The following ADAMTS3 variants were observed in gnomAD, a reference collection of about 807,000 sequenced individuals.
ADAMTS3 encodes A disintegrin and metalloproteinase with thrombospondin motifs 3.
In ADAMTS3, 73 loss-of-function variants were observed where a neutral mutation model predicts 129.0. That is an observed-to-expected ratio of 0.57 (90% CI 0.47 to 0.69). The LOEUF is 0.69. Among genes scored for constraint, ADAMTS3 ranks in the 30% least tolerant of loss-of-function variants. The pLI is 0.00. For synonymous variants in ADAMTS3, 477 were observed against 510.8 expected (o/e 0.93, Z 0.89); for missense variants, 1,457 against 1,514.5 (o/e 0.96, Z 0.63).
At chr4:72,365,219 T>C (rs1289607544) in intron 4 of ADAMTS3, among the ~76,000 whole-genome samples, 1 of 152,216 alleles carries the variant, frequency 6.6e-6, no homozygotes, top group Non-Finnish European at 1.5e-5. Context: ...TATGTGGCCA[T>C]GAAGGAGAAC....
intron 10 of ADAMTS3, among the ~76,000 whole-genome samples, chr4:72,318,151 A>G (rs190684216): frequency 2.6e-5 from 4 of 152,250 alleles, no homozygotes; most frequent in Admixed American, 6.5e-5. Flanking sequence ...TCACACATAC[A>G]TGGAATCCTG....
At chr4:72,562,677 T>C (rs1173566843) in intron 2 of ADAMTS3, among the ~76,000 whole-genome samples, 2 of 152,064 alleles carry the variant, frequency 1.3e-5, no homozygotes, top group Admixed American at 6.6e-5. Flanking sequence ...TTTTCAAAAA[T>C]CTTAAGAATC....
rs553279744 is a variant in ADAMTS3, at chr4:72,534,064, A to C, written c.504+14414T>G. ...AGTCCCCGGCTGGGTGCAGGGGCTC[A>C]CGCCTGTAATCCCAGCAGTTTGGGA... On this transcript the variant is annotated intron_variant, in intron 3 of 21. Transcript: ENST00000286657. Among the ~76,000 whole-genome samples the C allele has an allele frequency of 9.2e-5, 14 of 152,308 alleles. No homozygotes were observed. In the South Asian group the frequency reaches 2.9e-3, roughly 32 times the overall value.
rs1720939922 is a variant in ADAMTS3, at chr4:72,529,983, A to AATATATTATATTTATATATAATATATT, written c.504+18494_504+18495insAATATATTATATATAAATATAATATAT. On this transcript the variant is annotated intron_variant, in intron 3 of 21. Transcript: ENST00000286657. Reference sequence around the variant, plus strand: ...ATATATTATATTTATATATAAATATAATATATTATATTTATATATAATATA... The same window carrying AATATATTATATTTATATATAATATATT: ...ATATATTATATTTATATATAAATATAATATATTATATTTATATATAATATATTATATATTATATTTATATATAATATA... Among the ~76,000 whole-genome samples the AATATATTATATTTATATATAATATATT allele has an allele frequency of 3.3e-4, 11 of 33,316 alleles. 4 individuals are homozygous for AATATATTATATTTATATATAATATATT. Among genetic ancestry groups the AATATATTATATTTATATATAATATATT allele is most frequent in the African/African-American group, 1.3e-3 (11 of 8,662 alleles). The allele number at this position is 33,316 out of a possible 152,430, so 21.9% of individuals were successfully genotyped here.
chr4:72,493,121 C>T (rs1378935365), intron 3 of ADAMTS3, among the ~76,000 whole-genome samples: 2 of 151,870 alleles, frequency 1.3e-5, no homozygotes, highest in Admixed American at 1.3e-4. Context: ...CTAAAGTGAA[C>T]CTCTTATAGA....
intron 5 of ADAMTS3, among the ~76,000 whole-genome samples, chr4:72,335,307 A>T (rs534411931): frequency 6.6e-6 from 1 of 152,244 alleles, no homozygotes; most frequent in South Asian, 2.1e-4. Flanking sequence ...GCATGGCAAC[A>T]CCTACAGAAT....
chr4:72,300,586 A>T (rs1169727400), intron 17 of ADAMTS3, among the ~76,000 whole-genome samples: 2 of 152,212 alleles, frequency 1.3e-5, no homozygotes, highest in Non-Finnish European at 2.9e-5. Context: ...TTTTGACACA[A>T]TTGAAAGGCA....
At chr4:72,468,523 A>G (rs1246696388) in intron 3 of ADAMTS3, among the ~76,000 whole-genome samples, 1 of 152,094 alleles carries the variant, frequency 6.6e-6, no homozygotes, top group East Asian at 1.9e-4. Flanking sequence ...AACTTGATGT[A>G]TCAGTTATAT....
chr4:72,528,017 C>T (rs1301348497), intron 3 of ADAMTS3, among the ~76,000 whole-genome samples: 3 of 152,178 alleles, frequency 2.0e-5, no homozygotes, highest in Non-Finnish European at 4.4e-5. Context: ...TCACCACTCT[C>T]ATGGAATTTC....
At position 72,290,881 on chromosome 4, in the gene ADAMTS3, G is replaced by T; in HGVS notation, c.2905C>A (p.Gln969Lys). The change falls in exon 20 of 22, where the codon CAG becomes AAG. Residue 969 changes from glutamine (Q) to lysine (K), a missense_variant. Physicochemically the swap from Gln to Lys is moderately conservative, Grantham distance 53. Transcript: ENST00000286657. ...TCACTCCAGGGTCCTGTTTTCCACT[G>T]TGCAGGGCAGGGCACTCTGTTACAG... The part of the protein sequence containing the change: ...RPCNRVPCPA[Q>K]WKTGPWSECS... 1 of 1,613,978 alleles carries T rather than the reference G, an allele frequency of 6.2e-7. No homozygotes were observed. Among genetic ancestry groups the T allele is most frequent in the Non-Finnish European group, 8.5e-7 (1 of 1,179,936 alleles).
intron 18 of ADAMTS3, among the ~76,000 whole-genome samples, chr4:72,297,566 T>G (rs906502913): frequency 2.6e-5 from 4 of 152,116 alleles, no homozygotes. Context: ...AGCACTTGTT[T>G]AGAACTAGAG....
At chr4:72,415,423 C>T (rs898675012) in intron 3 of ADAMTS3, among the ~76,000 whole-genome samples, 3 of 151,854 alleles carry the variant, frequency 2.0e-5, no homozygotes, top group African/African-American at 7.3e-5. Context: ...TCCCACCAAA[C>T]AAAGTGGCAT....
chr4:72,377,278 C>T (rs1375413434), intron 4 of ADAMTS3, among the ~76,000 whole-genome samples: 2 of 152,136 alleles, frequency 1.3e-5, no homozygotes, highest in African/African-American at 4.8e-5. Flanking sequence ...TCCTCACAAA[C>T]ATCTACCCAA....
chr4:72,309,286 G>T, intron 15 of ADAMTS3, 111 bp downstream of exon 15: 1 of 1,082,232 alleles, frequency 9.2e-7, no homozygotes, highest in Non-Finnish European at 1.3e-6. Context: ...TAAATCAGCA[G>T]CTAAATTTTG....
intron 7 of ADAMTS3, 46 bp from the exon 8 acceptor site, chr4:72,320,009 C>CTTTCATTTCATTT (rs1719512757): frequency 6.5e-7 from 1 of 1,532,950 alleles, no homozygotes; most frequent in Non-Finnish European, 9.0e-7. Context: ...ATGAGAAAAC[C>CTTTCATTTCATTT]CATTAAGAAT....
At chr4:72,404,425 G>C (rs1722001218) in intron 4 of ADAMTS3, among the ~76,000 whole-genome samples, 1 of 152,012 alleles carries the variant, frequency 6.6e-6, no homozygotes, top group Non-Finnish European at 1.5e-5. Flanking sequence ...TCTCCTCAAT[G>C]AATGGTATTG....
chr4:72,299,599 T>C (rs1718900903), intron 17 of ADAMTS3, among the ~76,000 whole-genome samples: 1 of 152,110 alleles, frequency 6.6e-6, no homozygotes, highest in Admixed American at 6.6e-5. Flanking sequence ...GTTAGAACAA[T>C]TGTTACTTTA....
intron 3 of ADAMTS3, among the ~76,000 whole-genome samples, chr4:72,527,424 C>T (rs1463412198): frequency 6.6e-6 from 1 of 152,144 alleles, no homozygotes; most frequent in African/African-American, 2.4e-5. Context: ...CCACTCTAAC[C>T]TCATGGGGCA....
intron 3 of ADAMTS3, among the ~76,000 whole-genome samples, chr4:72,441,470 A>G (rs958137256): frequency 2.6e-5 from 4 of 151,664 alleles, no homozygotes; most frequent in African/African-American, 7.3e-5. Context: ...TAATATTTCA[A>G]TTTGTTATTT....
Sources: allele counts gnomAD v4.1 joint callset (sites outside exome capture counted in the v4.1 genomes callset), GRCh38; gene constraint gnomAD v4.1.1; transcripts MANE v1.5; gene names NCBI Gene and HGNC (gene_info 2026-07-23, HGNC 2026-07-21).